The following HECW1 variants were observed in gnomAD, a reference collection of about 807,000 sequenced individuals.
HECW1 encodes the protein HECT, C2 and WW domain containing E3 ubiquitin protein ligase 1.
Under a neutral mutation model 182.3 loss-of-function variants are expected in HECW1, and 61 were observed. The ratio of observed to expected loss-of-function variants is 0.33; its 90% CI spans 0.27 to 0.41. The LOEUF is 0.41. Among genes scored for constraint, HECW1 ranks in the 10% least tolerant of loss-of-function variants. The pLI is 1.00. For missense variants in HECW1, 1,739 were observed against 2,108.9 expected, an observed-to-expected ratio of 0.82 and a Z score of 3.44; for synonymous variants, 859 against 832.6, an observed-to-expected ratio of 1.03 and a Z score of -0.55.
At chr7:43,267,314 G>A (rs985120072) in intron 3 of HECW1, among the ~76,000 whole-genome samples, 3 of 152,016 alleles carry the variant, frequency 2.0e-5, no homozygotes, top group African/African-American at 7.2e-5. Context: ...AGACATTAAT[G>A]ATTTTTAAAA....
At chr7:43,171,912 G>A (rs1791730397) in intron 2 of HECW1, among the ~76,000 whole-genome samples, 1 of 152,110 alleles carries the variant, frequency 6.6e-6, no homozygotes, top group African/African-American at 2.4e-5. Context: ...AAGTTTTGAT[G>A]AGCTGAATCT....
intron 2 of HECW1, among the ~76,000 whole-genome samples, chr7:43,211,421 G>A (rs983665291): frequency 5.3e-5 from 8 of 152,126 alleles, no homozygotes; most frequent in Non-Finnish European, 7.3e-5. Flanking sequence ...TGCTCCATGC[G>A]GGCACCCTGT....
intron 21 of HECW1, among the ~76,000 whole-genome samples, chr7:43,505,992 C>T (rs1318056660): frequency 1.3e-5 from 2 of 152,176 alleles, no homozygotes; most frequent in African/African-American, 4.8e-5. Flanking sequence ...ACCTTTAAAA[C>T]TTGGGTAAGA....
chr7:43,333,368 G>A (rs906223703), intron 5 of HECW1, among the ~76,000 whole-genome samples: 2 of 152,198 alleles, frequency 1.3e-5, no homozygotes, highest in Admixed American at 1.3e-4. Context: ...AGGCAACACA[G>A]GATTTCAATC....
intron 16 of HECW1, among the ~76,000 whole-genome samples, chr7:43,475,510 A>C (rs1414998224): frequency 6.6e-6 from 1 of 152,182 alleles, no homozygotes; most frequent in African/African-American, 2.4e-5. Flanking sequence ...GTTGATTAAG[A>C]AGTGTTTTTT....
chr7:43,134,894 G>C (rs1787357417), intron 2 of HECW1, among the ~76,000 whole-genome samples: 1 of 152,034 alleles, frequency 6.6e-6, no homozygotes, highest in African/African-American at 2.4e-5. Flanking sequence ...TTTTCTACTT[G>C]GGTACATTTA....
chr7:43,205,682 C>A (rs774253530), intron 2 of HECW1, among the ~76,000 whole-genome samples: 5 of 152,138 alleles, frequency 3.3e-5, no homozygotes, highest in African/African-American at 4.8e-5. Context: ...GCAGTGGTCT[C>A]GTGACCACAG....
At chr7:43,244,011 C>A in intron 3 of HECW1, 79 bp downstream of exon 3, 1 of 1,178,874 alleles carries the variant, frequency 8.5e-7, no homozygotes, top group Non-Finnish European at 1.3e-6. Context: ...TGGAATGTGC[C>A]TCAGCCTAGG....
intron 14 of HECW1, among the ~76,000 whole-genome samples, chr7:43,464,107 G>A (rs2077677364): frequency 6.6e-6 from 1 of 152,326 alleles, no homozygotes; most frequent in South Asian, 2.1e-4. Context: ...TGCTTGTGGA[G>A]CAAGGCAACT....
At chr7:43,230,090 T>C (rs895169986) in intron 2 of HECW1, among the ~76,000 whole-genome samples, 2 of 152,178 alleles carry the variant, frequency 1.3e-5, no homozygotes, top group African/African-American at 4.8e-5. Context: ...AACTAGCCTA[T>C]ACCCTTAAAA....
intron 24 of HECW1, among the ~76,000 whole-genome samples, chr7:43,533,924 G>A (rs1585218679): frequency 2.0e-5 from 3 of 152,270 alleles, no homozygotes; most frequent in Non-Finnish European, 4.4e-5. Flanking sequence ...AGAAGGAGAT[G>A]AGTAGCCTGA....
At chr7:43,115,282 C>G (rs1356373697) in intron 2 of HECW1, among the ~76,000 whole-genome samples, 1 of 148,242 alleles carries the variant, frequency 6.7e-6, no homozygotes, top group African/African-American at 2.5e-5. Context: ...TGAAATTACT[C>G]ACCAACTCAA....
At position 43,432,285 on chromosome 7, in the gene HECW1, GC is replaced by G. The variant is rs1226014809; in HGVS notation, c.802-5715del. Among the ~76,000 whole-genome samples, 8 of 150,128 alleles carry G rather than the reference GC, an allele frequency of 5.3e-5. No individual in the cohort carries two copies. Among genetic ancestry groups the G allele is most frequent in the Non-Finnish European group, 8.9e-5 (6 of 67,052 alleles). ...CTCCCAAGTAGCTGGGACTACAGGC[GC>G]CCGCCACTACACCCGGCTAATTTTT... is the stretch of plus-strand genomic sequence containing the variant. On this transcript the variant is annotated intron_variant, in intron 8 of 29. Coordinates refer to ENST00000395891, the MANE Select transcript of HECW1 (RefSeq NM_015052.5). The surrounding 1 kb of genome is among the most constrained non-coding windows in gnomAD (Gnocchi z 4.1).
intron 2 of HECW1, among the ~76,000 whole-genome samples, chr7:43,131,816 A>G (rs1442126949): frequency 6.6e-6 from 1 of 152,190 alleles, no homozygotes; most frequent in Admixed American, 6.5e-5. Context: ...TGAGAGTGGC[A>G]TCTGGGAAAG....
intron 3 of HECW1, among the ~76,000 whole-genome samples, chr7:43,249,691 C>T (rs1258177563): frequency 6.6e-6 from 1 of 152,136 alleles, no homozygotes; most frequent in Non-Finnish European, 1.5e-5. Context: ...GTGTAGCTGA[C>T]TGTTTTGAGC....
chr7:43,166,609 T>A, intron 2 of HECW1, among the ~76,000 whole-genome samples: 1 of 152,224 alleles, frequency 6.6e-6, no homozygotes, highest in East Asian at 1.9e-4. Context: ...AGATGTTTTG[T>A]TTATTTCACA....
In HECW1 at chr7:43,450,862, AAG is replaced by A; in HGVS notation, c.2434_2435del (p.Ser812ProfsTer8). 3 of 1,613,166 alleles carry A rather than the reference AAG, an allele frequency of 1.9e-6. No individual in the cohort carries two copies. The South Asian group carries it at 3.3e-5, about 18-fold the overall frequency. ...CPILHNSQPV[S>X]QLPSLRPEHH... ...CTATACTCCATAATTCCCAGCCAGT[AAG>A]CCAGCTTCCTTCCCTGAGGCCTGAA... On this transcript the variant is annotated frameshift_variant, in exon 12 of 30. Transcript: ENST00000395891. LOFTEE classifies it high-confidence loss of function.
chr7:43,383,012 ATGAG>A (rs950744152), intron 6 of HECW1, among the ~76,000 whole-genome samples: 1 of 152,008 alleles, frequency 6.6e-6, no homozygotes, highest in Admixed American at 6.6e-5. Context: ...ACTCCCACTT[ATGAG>A]TGAGAACATG....
intron 8 of HECW1, among the ~76,000 whole-genome samples, chr7:43,409,835 G>T (rs1051151949): frequency 4.6e-5 from 7 of 152,160 alleles, no homozygotes; most frequent in Non-Finnish European, 1.0e-4. Flanking sequence ...CAGTTCCCAG[G>T]GTCCAAGTGT....
Sources: gnomAD v4.1 joint callset for allele counts (sites outside exome capture counted in the v4.1 genomes callset) on GRCh38, gnomAD v4.1.1 for gene constraint, Gnocchi (gnomAD v3.1) non-coding constraint, MANE v1.5 for transcripts, NCBI Gene and HGNC (gene_info 2026-07-23, HGNC 2026-07-21) for gene names.